Variants in LAMA2 observed in about 807,000 individuals in gnomAD.
LAMA2 encodes the protein laminin subunit alpha 2, also known as laminin subunit alpha-2.
A neutral mutation model predicts 364.8 loss-of-function variants in LAMA2; 269 were observed. The ratio of observed to expected loss-of-function variants is 0.74; its 90% CI spans 0.67 to 0.82. LAMA2 has a LOEUF of 0.82. Among genes scored for constraint, LAMA2 ranks in the 40% least tolerant of loss-of-function variants. The pLI is 0.00. For synonymous variants in LAMA2, 1,379 were observed against 1,370.6 expected, an observed-to-expected ratio of 1.01 and a Z score of -0.14; for missense variants, 3,807 against 3,873.2, an observed-to-expected ratio of 0.98 and a Z score of 0.45.
intron 53 of LAMA2, 29 bp from the exon 54 acceptor site, chr6:129,478,664 C>T (rs916802820): frequency 4.3e-6 from 7 of 1,611,546 alleles, no homozygotes; most frequent in Admixed American, 1.7e-5. Context: ...AATGATATTG[C>T]TTTTGCTTTT....
At chr6:129,154,815 C>T (rs1356631292) in intron 8 of LAMA2, 132 bp downstream of exon 8, 8 of 753,712 alleles carry the variant, frequency 1.1e-5, no homozygotes, top group Middle Eastern at 3.8e-4. Flanking sequence ...TAAGTAGGAA[C>T]ATTTCGTAGT....
intron 1 of LAMA2, among the ~76,000 whole-genome samples, chr6:129,014,198 A>G (rs970453205): frequency 6.6e-6 from 1 of 152,184 alleles, no homozygotes; most frequent in Non-Finnish European, 1.5e-5. Context: ...CCTTTTAGAC[A>G]TCTAAATAGA....
chr6:129,451,736 A>G (rs182671360), intron 45 of LAMA2, among the ~76,000 whole-genome samples: 83 of 152,202 alleles, frequency 5.5e-4, no homozygotes, highest in African/African-American at 1.8e-3. Context: ...AATCCAACCA[A>G]TTTGGCACCC....
At chr6:129,393,564 A>G (rs1014561704) in intron 37 of LAMA2, among the ~76,000 whole-genome samples, 1 of 152,216 alleles carries the variant, frequency 6.6e-6, no homozygotes, top group African/African-American at 2.4e-5. Context: ...CTTGGTCTCA[A>G]TGACAACTGT....
At chr6:129,225,307 G>A (rs919034053) in intron 12 of LAMA2, among the ~76,000 whole-genome samples, 1 of 152,090 alleles carries the variant, frequency 6.6e-6, no homozygotes, top group Non-Finnish European at 1.5e-5. Context: ...CTGATTTGTT[G>A]AAGGGTTTTT....
intron 1 of LAMA2, among the ~76,000 whole-genome samples, chr6:128,974,803 C>G (rs1006251888): frequency 4.0e-5 from 6 of 151,818 alleles, no homozygotes; most frequent in Non-Finnish European, 5.9e-5. Context: ...ATATCAAAAC[C>G]AATAAAATAG....
At chr6:129,142,577 G>A (rs992457604) in intron 4 of LAMA2, among the ~76,000 whole-genome samples, 8 of 152,000 alleles carry the variant, frequency 5.3e-5, no homozygotes, top group African/African-American at 1.9e-4. Context: ...CAGTTCACCT[G>A]TAATATAGTA....
In LAMA2 at chr6:129,231,299, C is replaced by T. The variant is rs1701138324; in HGVS notation, c.1783-18813C>T. Among the ~76,000 whole-genome samples the T allele has an allele frequency of 1.3e-5, 2 of 151,982 alleles. 1 individual carries two copies. The highest frequency in any genetic ancestry group is 4.1e-4 in the South Asian group (2 of 4,826). ...TTTACTGAACACATAGGAATTGCTA[C>T]CAATCGTTTAAATAGTTGCCTTATT... On this transcript the variant is annotated intron_variant, in intron 12 of 64. Coordinates refer to ENST00000421865, the MANE Select transcript of LAMA2 (RefSeq NM_000426.4).
intron 51 of LAMA2, among the ~76,000 whole-genome samples, chr6:129,467,304 A>G (rs1783590043): frequency 6.6e-6 from 1 of 151,812 alleles, no homozygotes; most frequent in South Asian, 2.1e-4. Context: ...AAGCTAAACA[A>G]TGGATACACG....
chr6:129,168,864 T>C (rs1779939274), intron 9 of LAMA2, among the ~76,000 whole-genome samples: 1 of 146,352 alleles, frequency 6.8e-6, no homozygotes, highest in Non-Finnish European at 1.5e-5. Context: ...GTAGTTCTCC[T>C]TGAAGAGGTC....
intron 9 of LAMA2, among the ~76,000 whole-genome samples, chr6:129,170,156 A>G (rs933267147): frequency 6.7e-6 from 1 of 148,732 alleles, no homozygotes. Flanking sequence ...TTGTGTCTCT[A>G]TTTCCTTCAG....
rs9483014 is a variant in LAMA2, at chr6:129,362,968, A to G, written c.4718-3251A>G. ...TGAAGATTGAGCATCCCTATAATTT[A>G]TCACCTGGTCCAGTGGTTTTATCCT... On this transcript the variant is annotated intron_variant, in intron 32 of 64. Transcript: ENST00000421865. Among the ~76,000 whole-genome samples the G allele has an allele frequency of 8.8e-3, 1,346 of 152,326 alleles. 21 individuals carry two copies. Among genetic ancestry groups the G allele is most frequent in the African/African-American group, 0.031 (1,294 of 41,572 alleles).
rs562824826 is a variant in LAMA2 at position 129,502,914 on chromosome 6, TTTA to T, written c.8357+146_8357+148del. On this transcript the variant is annotated intron_variant, in intron 59 of 64. Coordinates refer to ENST00000421865, the MANE Select transcript of LAMA2 (RefSeq NM_000426.4). ...CACTGAGTACAATAGAGAATAGAAT[TTTA>T]TTTGTCTGAGCCTGAGGAGCCCAAT... is the stretch of plus-strand genomic sequence containing the variant. 9.3e-4 allele frequency: 809 copies of T among 871,004 alleles called. 4 individuals carry two copies. Among genetic ancestry groups the T allele is most frequent in the Middle Eastern group, 2.9e-3 (11 of 3,770 alleles). The allele number at this position is 871,004 out of a possible 1,614,324, so 54.0% of individuals were successfully genotyped here. A position where few individuals can be genotyped will look rare whatever the true frequency, so the allele number is the denominator to read the frequency against.
chr6:129,108,631 CT>C (rs1775969703), intron 4 of LAMA2, among the ~76,000 whole-genome samples: 1 of 152,034 alleles, frequency 6.6e-6, no homozygotes, highest in Admixed American at 6.6e-5. Context: ...TTTAAGGGAA[CT>C]TACATTTTCC....
At chr6:128,906,415 T>G (rs1273709681) in intron 1 of LAMA2, among the ~76,000 whole-genome samples, 2 of 125,448 alleles carry the variant, frequency 1.6e-5, no homozygotes, top group East Asian at 4.3e-4. Flanking sequence ...ATGTGTTTTT[T>G]GGCTGCATAA....
At chr6:128,993,550 C>T (rs1329043966) in intron 1 of LAMA2, among the ~76,000 whole-genome samples, 1 of 152,136 alleles carries the variant, frequency 6.6e-6, no homozygotes, top group Non-Finnish European at 1.5e-5. Flanking sequence ...CTGCCTGTAT[C>T]CTTGCTCCTC....
At chr6:129,225,167 A>G (rs1036499850) in intron 12 of LAMA2, among the ~76,000 whole-genome samples, 3 of 152,092 alleles carry the variant, frequency 2.0e-5, no homozygotes, top group Non-Finnish European at 4.4e-5. Context: ...TTTCTGTGGG[A>G]TCGGTGGTGA....
chr6:129,010,373 G>A (rs774289901), intron 1 of LAMA2, among the ~76,000 whole-genome samples: 2 of 152,172 alleles, frequency 1.3e-5, no homozygotes, highest in African/African-American at 2.4e-5. Context: ...TTCCTCTTTC[G>A]TTTAGGTGAA....
chr6:129,308,201 T>G (rs995878146), intron 22 of LAMA2, among the ~76,000 whole-genome samples: 1 of 152,218 alleles, frequency 6.6e-6, no homozygotes, highest in African/African-American at 2.4e-5. Flanking sequence ...GAGAGCTACA[T>G]TTTTAGAAAG....
Sources: gnomAD v4.1 joint callset for allele counts (sites outside exome capture counted in the v4.1 genomes callset) on GRCh38, gnomAD v4.1.1 for gene constraint, MANE v1.5 for transcripts, NCBI Gene and HGNC (gene_info 2026-07-23, HGNC 2026-07-21) for gene names.